Variants in AOAH observed in about 807,000 individuals in gnomAD.
The protein encoded by AOAH is acyloxyacyl hydrolase (neutrophil).
In AOAH, 64 loss-of-function variants were observed where a neutral mutation model predicts 92.2. The ratio of observed to expected loss-of-function variants is 0.69; its 90% CI spans 0.57 to 0.86. The LOEUF (loss-of-function observed/expected upper bound fraction) is 0.86. Among genes scored for constraint, AOAH ranks in the 40% least tolerant of loss-of-function variants. AOAH has a pLI of 0.00. For synonymous variants in AOAH, 263 were observed against 254.5 expected, an observed-to-expected ratio of 1.03 and a Z score of -0.32; for missense variants, 656 against 694.6, an observed-to-expected ratio of 0.94 and a Z score of 0.62.
In AOAH at chr7:36,595,525, ACT is replaced by A. The variant is rs1445260411; in HGVS notation, c.847-1097_847-1096del. On this transcript the variant is annotated intron_variant, in intron 11 of 20. Transcript: ENST00000617537. ...ACTCCATCCTGGGCAACAGAGCAAG[ACT>A]CTGTCTCAAAAATAAATAAATACAT... Among the ~76,000 whole-genome samples the A allele has an allele frequency of 4.6e-5, 7 of 152,294 alleles. No individual in the cohort carries two copies. In the East Asian group the frequency reaches 7.7e-4, roughly 17 times the overall value.
chr7:36,687,537 C>CTT (rs5883572), intron 1 of AOAH, among the ~76,000 whole-genome samples: 41 of 145,418 alleles, frequency 2.8e-4, no homozygotes, highest in East Asian at 8.0e-4. Flanking sequence ...AAAACCAAAC[C>CTT]TTTTTTTTTT....
At chr7:36,590,885 A>ATACTT (rs1278900163) in intron 12 of AOAH, among the ~76,000 whole-genome samples, 1 of 152,230 alleles carries the variant, frequency 6.6e-6, no homozygotes, top group Non-Finnish European at 1.5e-5. Flanking sequence ...ATATTTTTAT[A>ATACTT]TACTTTATAA....
At chr7:36,683,294 G>A (rs1796757145) in intron 2 of AOAH, among the ~76,000 whole-genome samples, 1 of 152,196 alleles carries the variant, frequency 6.6e-6, no homozygotes, top group South Asian at 2.1e-4. Flanking sequence ...GAGCCCTTCT[G>A]GAGGAATGAA....
rs1013377309 is a variant in AOAH, at chr7:36,614,217, C to T, written c.846+2163G>A. Among the ~76,000 whole-genome samples the T allele has an allele frequency of 3.9e-5, 6 of 152,040 alleles. No individual in the cohort carries two copies. Among genetic ancestry groups the T allele is most frequent in the Middle Eastern group, 3.2e-3 (1 of 316 alleles). On this transcript the variant is annotated intron_variant, in intron 11 of 20. Coordinates refer to ENST00000617537, the MANE Select transcript of AOAH (RefSeq NM_001637.4). This position sits in a 1 kb window ranked among gnomAD's most constrained non-coding sequence, Gnocchi z 4.2. ...CTAATGGACACGGTGGCTCTTGGGA[C>T]GAGTCTGTTGTGGCACTGCCCCACA...
intron 4 of AOAH, among the ~76,000 whole-genome samples, chr7:36,643,487 C>T (rs376340595): frequency 8.5e-5 from 13 of 152,216 alleles, no homozygotes; most frequent in African/African-American, 2.2e-4. Context: ...CAAAAAGCCA[C>T]GCACCTGGGT....
chr7:36,618,679 T>C (rs917783843), intron 9 of AOAH, among the ~76,000 whole-genome samples: 6 of 152,216 alleles, frequency 3.9e-5, no homozygotes, highest in Non-Finnish European at 7.3e-5. Flanking sequence ...CTGGGCGGAT[T>C]CTGCAGTCTC....
intron 15 of AOAH, among the ~76,000 whole-genome samples, chr7:36,544,546 C>T (rs994315259): frequency 7.9e-5 from 12 of 152,088 alleles, no homozygotes; most frequent in Non-Finnish European, 1.6e-4. Context: ...GGTGAGAGAT[C>T]GAGAGTGCTC....
At chr7:36,690,827 G>A (rs1022037777) in intron 1 of AOAH, among the ~76,000 whole-genome samples, 2 of 152,170 alleles carry the variant, frequency 1.3e-5, no homozygotes, top group Admixed American at 6.5e-5. Context: ...AAATGGGCCC[G>A]AATAAAAACA....
At chr7:36,530,560 G>A (rs777669319) in intron 18 of AOAH, 46 bp from the exon 19 acceptor site, 4 of 1,326,234 alleles carry the variant, frequency 3.0e-6, no homozygotes, top group Non-Finnish European at 3.3e-6. Context: ...TCTAGACTTT[G>A]GCTTTAGTGA....
At position 36,722,740 on chromosome 7, in the gene AOAH, G is replaced by A. The variant is rs536578803; in HGVS notation, c.127+1282C>T. On this transcript the variant is annotated intron_variant, in intron 1 of 20. Coordinates refer to ENST00000617537, the MANE Select transcript of AOAH (RefSeq NM_001637.4). ...ACGAGGTCAGGAGTTCGAGACCAGT[G>A]TGGCCAACATAGGGAAACCCCATCT... Among the ~76,000 whole-genome samples, 4 of 151,810 alleles carry A rather than the reference G, an allele frequency of 2.6e-5. No homozygotes were observed. In the East Asian group the frequency reaches 5.8e-4, roughly 22 times the overall value.
chr7:36,628,409 A>G (rs909815910), intron 6 of AOAH, among the ~76,000 whole-genome samples: 11 of 152,336 alleles, frequency 7.2e-5, no homozygotes, highest in Middle Eastern at 6.8e-3. Flanking sequence ...ATAGCCTGAT[A>G]GCTACACATT....
At chr7:36,643,940 T>C (rs1267816093) in intron 4 of AOAH, among the ~76,000 whole-genome samples, 8 of 152,224 alleles carry the variant, frequency 5.3e-5, no homozygotes, top group Non-Finnish European at 8.8e-5. Flanking sequence ...GGTACCGGCC[T>C]GCAGAATTAT....
At chr7:36,714,169 CAA>C (rs1312209558) in intron 1 of AOAH, among the ~76,000 whole-genome samples, 1 of 152,150 alleles carries the variant, frequency 6.6e-6, no homozygotes, top group Admixed American at 6.5e-5. Flanking sequence ...CACAGAAATA[CAA>C]ACTACCATCA....
chr7:36,515,511 C>CCACACACCACACA (rs1554360124), intron 20 of AOAH, among the ~76,000 whole-genome samples: 2 of 58,334 alleles, frequency 3.4e-5, no homozygotes, highest in East Asian at 7.6e-4. Context: ...AAACACACCC[C>CCACACACCACACA]CAAACACCAC....
intron 6 of AOAH, among the ~76,000 whole-genome samples, chr7:36,625,646 G>C (rs1443984167): frequency 6.6e-6 from 1 of 152,182 alleles, no homozygotes; most frequent in Non-Finnish European, 1.5e-5. Context: ...CACACTTACA[G>C]GAAAAGTGAG....
intron 1 of AOAH, among the ~76,000 whole-genome samples, chr7:36,687,960 T>C (rs1797140474): frequency 6.6e-6 from 1 of 152,196 alleles, no homozygotes; most frequent in African/African-American, 2.4e-5. Context: ...GATGCTGCAA[T>C]ATCTGATGGT....
intron 13 of AOAH, among the ~76,000 whole-genome samples, chr7:36,552,447 T>C (rs1786336216): frequency 2.0e-5 from 3 of 152,236 alleles, no homozygotes; most frequent in Admixed American, 1.3e-4. Flanking sequence ...CTATCATGAA[T>C]AGTGCTGCAA....
intron 1 of AOAH, among the ~76,000 whole-genome samples, chr7:36,697,458 G>T (rs1413897888): frequency 6.6e-6 from 1 of 152,116 alleles, no homozygotes; most frequent in African/African-American, 2.4e-5. Flanking sequence ...TTTGTTAAGG[G>T]TTTTTGCATC....
At chr7:36,542,931 T>G (rs893997733) in intron 15 of AOAH, among the ~76,000 whole-genome samples, 1 of 152,184 alleles carries the variant, frequency 6.6e-6, no homozygotes, top group African/African-American at 2.4e-5. Context: ...TTGTATGTAT[T>G]AATATAGAAA....
Sources: gnomAD v4.1 joint callset for allele counts (sites outside exome capture counted in the v4.1 genomes callset) on GRCh38, gnomAD v4.1.1 for gene constraint, Gnocchi (gnomAD v3.1) non-coding constraint, MANE v1.5 for transcripts, NCBI Gene and HGNC (gene_info 2026-07-23, HGNC 2026-07-21) for gene names.